Variants in RXRG observed in about 807,000 individuals in gnomAD.
RXRG encodes the protein retinoid X receptor gamma, also known as retinoic acid receptor RXR-gamma.
A neutral mutation model predicts 49.2 loss-of-function variants in RXRG; 19 were observed. That is an observed-to-expected ratio of 0.39 (90% CI 0.27 to 0.57). RXRG has a LOEUF of 0.57. Ranked by LOEUF, RXRG falls within the 20% of genes least tolerant of loss-of-function variation. The probability of loss-of-function intolerance (pLI) is 0.64; values close to 1 mark genes in which losing one functional copy is unlikely to be tolerated. For missense variants in RXRG, 452 were observed against 592.5 expected (o/e 0.76, Z 2.46); for synonymous variants, 224 against 216.6 (o/e 1.03, Z -0.30).
intron 7 of RXRG, among the ~76,000 whole-genome samples, chr1:165,408,534 G>A (rs934448722): frequency 1.3e-5 from 2 of 152,188 alleles, no homozygotes; most frequent in East Asian, 1.9e-4. Context: ...GCAGCACGAT[G>A]CCCAGGAATA....
chr1:165,442,767 A>C (rs879920387), intron 1 of RXRG, among the ~76,000 whole-genome samples: 3 of 152,216 alleles, frequency 2.0e-5, no homozygotes, highest in Admixed American at 6.5e-5. Flanking sequence ...TAACTCATTT[A>C]ATTTTCACAA....
chr1:165,420,064 C>A, intron 2 of RXRG, 50 bp from the exon 3 acceptor site: 1 of 1,443,732 alleles, frequency 6.9e-7, no homozygotes, highest in Non-Finnish European at 9.2e-7. Context: ...TAAATTCAAT[C>A]CCCAAGGCCT....
chr1:165,422,255 C>G (rs1475988807), intron 2 of RXRG, among the ~76,000 whole-genome samples: 1 of 152,226 alleles, frequency 6.6e-6, no homozygotes, highest in African/African-American at 2.4e-5. Context: ...TGTTAATCCT[C>G]TCAACAACCC....
rs1658588034 is a variant in RXRG at position 165,429,060 on chromosome 1, C to T, written c.50-94G>A. On this transcript the variant is annotated intron_variant, in intron 1 of 9. Transcript: ENST00000359842. ...CTAGCCCCACCTTTCTTTCCTGTAT[C>T]CTGCCCCTCTTTTAGCCACACCTAC... 5 of 1,388,598 alleles carry T rather than the reference C, an allele frequency of 3.6e-6. No homozygotes were observed. In the South Asian group the frequency reaches 6.9e-5, roughly 19 times the overall value. 86.0% of individuals were successfully genotyped at this position (1,388,598 alleles called of 1,614,324 possible). A position where few individuals can be genotyped will look rare whatever the true frequency, so the allele number is the denominator to read the frequency against.
At chr1:165,404,748 TTTTTTG>T (rs540805821) in intron 9 of RXRG, among the ~76,000 whole-genome samples, 12 of 152,074 alleles carry the variant, frequency 7.9e-5, no homozygotes, top group African/African-American at 2.4e-4. Context: ...TTATTACCTG[TTTTTTG>T]TTTTTGTTTT....
chr1:165,424,165 A>G (rs1462425760), intron 2 of RXRG, among the ~76,000 whole-genome samples: 4 of 152,218 alleles, frequency 2.6e-5, no homozygotes, highest in African/African-American at 4.8e-5. Flanking sequence ...TACAAAGTAC[A>G]TAAATATCTT....
chr1:165,436,862 A>G lies in RXRG; in HGVS notation c.50-7896T>C, dbSNP rs912638833. 9.7e-6 allele frequency: 10 copies of G among 1,026,198 alleles called. No individual in the cohort carries two copies. In the African/African-American group the frequency reaches 1.4e-4, roughly 14 times the overall value. 63.6% of individuals were successfully genotyped at this position (1,026,198 alleles called of 1,614,324 possible). ...GAAGTGGGGGACAGCAAGAGTTTCA[A>G]GGTTAAAGATCAATCCCAAACTCCT... On this transcript the variant is annotated intron_variant, in intron 1 of 9. Coordinates refer to ENST00000359842, the MANE Select transcript of RXRG (RefSeq NM_006917.5).
At chr1:165,406,025 T>C (rs1657736042) in intron 9 of RXRG, among the ~76,000 whole-genome samples, 1 of 152,274 alleles carries the variant, frequency 6.6e-6, no homozygotes, top group Non-Finnish European at 1.5e-5. Flanking sequence ...CAAGACAGGC[T>C]TTTCCGTTTC....
At chr1:165,406,021 A>G (rs1199383925) in intron 9 of RXRG, among the ~76,000 whole-genome samples, 1 of 152,288 alleles carries the variant, frequency 6.6e-6, no homozygotes, top group Admixed American at 6.5e-5. Context: ...TCTTCAAGAC[A>G]GGCTTTTCCG....
chr1:165,432,525 A>G (rs1316487807), intron 1 of RXRG, among the ~76,000 whole-genome samples: 2 of 152,200 alleles, frequency 1.3e-5, no homozygotes, highest in Non-Finnish European at 2.9e-5. Context: ...ATTCTCCCAA[A>G]TAGACACTAA....
intron 1 of RXRG, among the ~76,000 whole-genome samples, chr1:165,433,748 G>A (rs1320440727): frequency 6.6e-6 from 1 of 152,188 alleles, no homozygotes; most frequent in Non-Finnish European, 1.5e-5. Context: ...AAGTGCAGGT[G>A]TTGGTGGTCT....
chr1:165,437,391 G>A (rs1254389758), intron 1 of RXRG, among the ~76,000 whole-genome samples: 1 of 152,118 alleles, frequency 6.6e-6, no homozygotes, highest in African/African-American at 2.4e-5. Context: ...ATTTTTCTTA[G>A]GGCTGAGTTT....
intron 1 of RXRG, among the ~76,000 whole-genome samples, chr1:165,435,015 T>C (rs759553284): frequency 2.0e-4 from 30 of 152,202 alleles, no homozygotes; most frequent in South Asian, 6.2e-4. Flanking sequence ...AAACACTTTA[T>C]ACATGTTGAG....
intron 4 of RXRG, among the ~76,000 whole-genome samples, chr1:165,412,813 T>C (rs749527411): frequency 6.6e-6 from 1 of 152,224 alleles, no homozygotes; most frequent in Admixed American, 6.5e-5. Flanking sequence ...TCTGTCAGAC[T>C]TCATTCACTG....
chr1:165,424,161 G>C (rs1048493055), intron 2 of RXRG, among the ~76,000 whole-genome samples: 3 of 152,138 alleles, frequency 2.0e-5, no homozygotes, highest in African/African-American at 7.2e-5. Context: ...TATCTACAAA[G>C]TACATAAATA....
intron 9 of RXRG, among the ~76,000 whole-genome samples, chr1:165,402,119 T>C (rs1000105281): frequency 2.6e-5 from 4 of 152,064 alleles, no homozygotes; most frequent in Non-Finnish European, 5.9e-5. Flanking sequence ...AGTTTCACTC[T>C]TGTTGCCCAG....
chr1:165,438,326 T>C (rs1331346167), intron 1 of RXRG, among the ~76,000 whole-genome samples: 3 of 151,846 alleles, frequency 2.0e-5, no homozygotes, highest in Non-Finnish European at 2.9e-5. Context: ...AGATGCTCAA[T>C]TGGTAAGTAT....
At chr1:165,412,595 A>G (rs1310339035) in intron 4 of RXRG, among the ~76,000 whole-genome samples, 1 of 152,248 alleles carries the variant, frequency 6.6e-6, no homozygotes, top group Non-Finnish European at 1.5e-5. Flanking sequence ...GCTGGTACTT[A>G]GTTAAGGTTG....
intron 1 of RXRG, among the ~76,000 whole-genome samples, chr1:165,432,798 A>G (rs1193164079): frequency 1.3e-5 from 2 of 152,164 alleles, no homozygotes; most frequent in African/African-American, 4.8e-5. Flanking sequence ...TTTCTTGCAA[A>G]TTTATCCAGG....
Sources: gnomAD v4.1 joint callset for allele counts (sites outside exome capture counted in the v4.1 genomes callset) on GRCh38, gnomAD v4.1.1 for gene constraint, MANE v1.5 for transcripts, NCBI Gene and HGNC (gene_info 2026-07-23, HGNC 2026-07-21) for gene names.